The following MET variants were observed in gnomAD, a reference collection of about 807,000 sequenced individuals.
MET encodes MET proto-oncogene, receptor tyrosine kinase.
MET carries 48 observed loss-of-function variants against 133.1 expected under a neutral mutation model. That is an observed-to-expected ratio of 0.36 (90% confidence interval 0.29 to 0.46). MET has a LOEUF of 0.46. Among genes scored for constraint, MET ranks in the 20% least tolerant of loss-of-function variants. The pLI, the probability that MET is intolerant of heterozygous loss-of-function variation, is 1.00. For missense variants in MET, 1,442 were observed against 1,695.9 expected (o/e 0.85, Z 2.63); for synonymous variants, 628 against 616.5 (o/e 1.02, Z -0.28).
intron 2 of MET, among the ~76,000 whole-genome samples, chr7:116,716,481 G>GAAAGA (rs1792226727): frequency 6.5e-5 from 8 of 123,508 alleles, no homozygotes; most frequent in Admixed American, 3.2e-4. Context: ...AAGAAAGAAA[G>GAAAGA]AAAGAAAGAA....
chr7:116,782,420 G>C (rs1000562570), intron 18 of MET, among the ~76,000 whole-genome samples: 3 of 152,190 alleles, frequency 2.0e-5, no homozygotes, highest in African/African-American at 7.2e-5. Context: ...TTGATCTTCA[G>C]CATTTGACAG....
intron 19 of MET, among the ~76,000 whole-genome samples, chr7:116,789,962 C>T (rs754880183): frequency 6.6e-6 from 1 of 152,130 alleles, no homozygotes; most frequent in Non-Finnish European, 1.5e-5. Context: ...ATGCTCCTCC[C>T]CTCCCTCGAT....
Position 116,757,450 on chromosome 7 carries a change from G to T in MET, c.1876G>T (p.Val626Phe). The change falls in exon 7 of 21, where the codon GTT becomes TTT. Residue 626 changes from valine to phenylalanine, a missense_variant. Physicochemically the swap from Val to Phe is conservative, Grantham distance 50. Around this residue, in one of 6 missense-constraint regions of MET, gnomAD observed 762 missense variants for 792.4 expected, o/e 0.96. Transcript: ENST00000397752. Reference protein sequence around the residue: ...ESTMNTLKCTVGPAMNKHFNM... With the variant: ...ESTMNTLKCTFGPAMNKHFNM... Reference sequence around the variant, plus strand: ...TTTTTTTTCCAGATTGAAATGCACAGTTGGTCCTGCCATGAATAAGCATTT... The same window carrying T: ...TTTTTTTTCCAGATTGAAATGCACATTTGGTCCTGCCATGAATAAGCATTT... 1 of 1,613,172 alleles carries T rather than the reference G, an allele frequency of 6.2e-7. No homozygotes were observed. Among genetic ancestry groups the T allele is most frequent in the Non-Finnish European group, 8.5e-7 (1 of 1,179,842 alleles).
chr7:116,757,694 A>G lies in MET; in HGVS notation c.2022A>G (p.Leu674=), dbSNP rs200345440. The part of the protein sequence containing the change: ...PKYGPMAGGT[L]LTLTGNYLNS... ...ACGGTCCTATGGCTGGTGGCACTTT[A>G]CTTACTTTAACTGGAAATTACCTAA... is the stretch of plus-strand genomic sequence containing the variant. Residue 674 remains leucine (L), a synonymous_variant, in exon 8 of 21, where the codon TTA becomes TTG. Transcript: ENST00000397752. 1.9e-6 allele frequency: 3 copies of G among 1,613,962 alleles called. No homozygotes were observed. In the East Asian group the frequency reaches 6.7e-5, roughly 36 times the overall value.
chr7:116,771,837 C>G lies in MET; in HGVS notation c.2888-12C>G, dbSNP rs1484157408. 6.2e-7 allele frequency: 1 copy of G among 1,613,616 alleles called. No individual in the cohort carries two copies. Among genetic ancestry groups the G allele is most frequent in the Non-Finnish European group, 8.5e-7 (1 of 1,179,810 alleles). ...CGTCTTTAACAAGCTCTTTCTTTCT[C>G]TCTGTTTTAAGATCTGGGCAGTGAA... On this transcript the variant is annotated splice_polypyrimidine_tract_variant and intron_variant, in intron 13 of 20. Transcript: ENST00000397752.
chr7:116,763,364 CT>C, intron 11 of MET, 96 bp downstream of exon 11: 2 of 1,064,770 alleles, frequency 1.9e-6, no homozygotes, highest in Non-Finnish European at 2.8e-6. Context: ...GCCATTGTAT[CT>C]TATACAACAC....
chr7:116,787,412 C>T (rs538713845), intron 19 of MET, among the ~76,000 whole-genome samples: 1 of 152,294 alleles, frequency 6.6e-6, no homozygotes, highest in East Asian at 1.9e-4. Flanking sequence ...TTATAATGAA[C>T]AGAAATGTAT....
intron 2 of MET, among the ~76,000 whole-genome samples, chr7:116,720,155 T>C (rs374960644): frequency 0.018 from 2,767 of 151,938 alleles, 72 homozygotes; most frequent in East Asian, 0.11. Flanking sequence ...TCCTCTTTTA[T>C]TTCCTTGAGC....
chr7:116,694,619 T>C (rs1443163908), intron 1 of MET, among the ~76,000 whole-genome samples: 2 of 152,228 alleles, frequency 1.3e-5, no homozygotes, highest in Non-Finnish European at 2.9e-5. Flanking sequence ...GTGTGACTTA[T>C]GTGCGAACCT....
chr7:116,777,447 C>T lies in MET; in HGVS notation c.3318C>T (p.His1106=), dbSNP rs755500683. The change falls in exon 16 of 21, where the codon CAC becomes CAT. Residue 1106 remains histidine, a synonymous_variant. Coordinates refer to ENST00000397752, the MANE Select transcript of MET (RefSeq NM_000245.4). ...TLLDNDGKKI[H]CAVKSLNRIT... ...TGGACAATGATGGCAAGAAAATTCACTGTGCTGTGAAATCCTTGAACAGTA... is the reference window on the plus strand; with the variant it reads ...TGGACAATGATGGCAAGAAAATTCATTGTGCTGTGAAATCCTTGAACAGTA... 1.9e-6 allele frequency: 3 copies of T among 1,613,846 alleles called. No individual in the cohort carries two copies. The highest frequency in any genetic ancestry group is 3.3e-5 in the Admixed American group (2 of 60,014).
At chr7:116,675,421 A>AT (rs1364512912) in intron 1 of MET, among the ~76,000 whole-genome samples, 3 of 151,930 alleles carry the variant, frequency 2.0e-5, no homozygotes, top group Admixed American at 1.3e-4. Context: ...AAATAATAGA[A>AT]TTTTTTTTTA....
intron 2 of MET, among the ~76,000 whole-genome samples, chr7:116,701,833 G>T (rs1326194326): frequency 4.6e-5 from 7 of 152,194 alleles, no homozygotes; most frequent in African/African-American, 1.7e-4. Flanking sequence ...AGTTGATTCT[G>T]AGACACAAGT....
At chr7:116,738,566 T>A (rs1175857919) in intron 3 of MET, among the ~76,000 whole-genome samples, 1 of 152,182 alleles carries the variant, frequency 6.6e-6, no homozygotes, top group African/African-American at 2.4e-5. Flanking sequence ...CCCTTTTTAA[T>A]GGAGATGTTT....
chr7:116,783,037 T>C (rs1795200030), intron 18 of MET, among the ~76,000 whole-genome samples: 1 of 152,208 alleles, frequency 6.6e-6, no homozygotes, highest in South Asian at 2.1e-4. Flanking sequence ...CTACTGCAGA[T>C]CTACATTAAA....
chr7:116,752,426 G>T lies in MET; in HGVS notation c.1702-2929G>T, dbSNP rs376409399. 2.0e-5 allele frequency among the ~76,000 whole-genome samples: 3 copies of T among 152,312 alleles called. 1 individual carries two copies. Among genetic ancestry groups the T allele is most frequent in the Admixed American group, 6.5e-5 (1 of 15,306 alleles). On this transcript the variant is annotated intron_variant, in intron 5 of 20. Transcript: ENST00000397752. Reference sequence around the variant, plus strand: ...CCTATCCAGACAGGTAGGAGACCCAGCCTCTGTGGCTTTATGCCGGACGCT... The same window carrying T: ...CCTATCCAGACAGGTAGGAGACCCATCCTCTGTGGCTTTATGCCGGACGCT...
intron 17 of MET, among the ~76,000 whole-genome samples, chr7:116,781,514 C>A (rs777985196): frequency 6.6e-6 from 1 of 152,162 alleles, no homozygotes; most frequent in Non-Finnish European, 1.5e-5. Context: ...GTGTTGCATA[C>A]AATAAATACT....
At chr7:116,688,984 C>A (rs1383892805) in intron 1 of MET, among the ~76,000 whole-genome samples, 1 of 152,226 alleles carries the variant, frequency 6.6e-6, no homozygotes, top group Non-Finnish European at 1.5e-5. Flanking sequence ...ACATGCAAAT[C>A]ATTCCTGTAC....
intron 19 of MET, among the ~76,000 whole-genome samples, chr7:116,783,675 G>A (rs1317096267): frequency 6.6e-6 from 1 of 152,126 alleles, no homozygotes; most frequent in Non-Finnish European, 1.5e-5. Context: ...GTTGAGTGGG[G>A]CAACATACCA....
intron 18 of MET, 64 bp downstream of exon 18, chr7:116,782,161 T>A: frequency 9.1e-7 from 1 of 1,101,836 alleles, no homozygotes; most frequent in South Asian, 1.3e-5. Flanking sequence ...TGTTTCCCAC[T>A]GTTCAATGCT....
Sources: gnomAD v4.1 joint callset for allele counts (sites outside exome capture counted in the v4.1 genomes callset) on GRCh38, gnomAD v4.1.1 for gene constraint, gnomAD v4.1.1 regional missense constraint, MANE v1.5 for transcripts, NCBI Gene and HGNC (gene_info 2026-07-23, HGNC 2026-07-21) for gene names.